Variants in WDPCP observed in about 807,000 individuals in gnomAD.
WDPCP encodes WD repeat containing planar cell polarity effector.
A neutral mutation model predicts 93.1 loss-of-function variants in WDPCP; 71 were observed. The observed-to-expected ratio is 0.76, with a 90% CI of 0.63 to 0.93. The LOEUF is 0.93. Ranked by LOEUF, WDPCP falls within the 40% of genes least tolerant of loss-of-function variation. The pLI is 0.00. For synonymous variants in WDPCP, 315 were observed against 315.0 expected (o/e 1.00, Z 0.00); for missense variants, 844 against 887.4 (o/e 0.95, Z 0.62).
chr2:63,749,907 A>G (rs1364919026), intron 2 of WDPCP, among the ~76,000 whole-genome samples: 1 of 152,058 alleles, frequency 6.6e-6, no homozygotes, highest in Non-Finnish European at 1.5e-5. Context: ...CTGTTATCTT[A>G]ATTTTGCTAT....
intron 14 of WDPCP, among the ~76,000 whole-genome samples, chr2:63,185,583 G>A (rs1361623850): frequency 2.0e-5 from 3 of 152,136 alleles, no homozygotes; most frequent in Admixed American, 1.3e-4. Flanking sequence ...AGGTGAGCAG[G>A]CGCATGACCT....
intron 2 of WDPCP, among the ~76,000 whole-genome samples, chr2:63,781,602 C>T (rs1670392794): frequency 6.6e-6 from 1 of 152,056 alleles, no homozygotes. Flanking sequence ...GAAGTACAGC[C>T]TACTTGGGAG....
At chr2:63,450,730 C>T (rs754854208) in intron 6 of WDPCP, among the ~76,000 whole-genome samples, 3 of 152,106 alleles carry the variant, frequency 2.0e-5, no homozygotes, top group Non-Finnish European at 2.9e-5. Context: ...TCACAGATAC[C>T]ACTGATGCTG....
chr2:63,589,161 C>A (rs1445373773), upstream of WDPCP: 8 of 1,611,386 alleles, frequency 5.0e-6, no homozygotes, highest in East Asian at 8.9e-5. Flanking sequence ...CCTTCGCGCC[C>A]TTTGGCAAGC....
intron 14 of WDPCP, among the ~76,000 whole-genome samples, chr2:63,230,151 C>A (rs1198855344): frequency 6.8e-6 from 1 of 146,334 alleles, no homozygotes; most frequent in African/African-American, 2.5e-5. Context: ...TATTCTCATT[C>A]TTCAATTCCC....
rs369030224 is a variant in WDPCP, at chr2:63,465,125, A to C, written c.384+19479T>G. Among the ~76,000 whole-genome samples, 84 of 151,998 alleles carry C rather than the reference A, an allele frequency of 5.5e-4. 2 individuals are homozygous for C. The East Asian group carries it at 0.016, about 28-fold the overall frequency. ...CTGGGAAGATCAAACTGACAGGTTAAATTTATTTATTATTTATTTATTTAT... is the reference window on the plus strand; with the variant it reads ...CTGGGAAGATCAAACTGACAGGTTACATTTATTTATTATTTATTTATTTAT... On this transcript the variant is annotated intron_variant, in intron 6 of 17. Transcript: ENST00000272321.
At chr2:63,682,303 A>G (rs1308203439) in intron 2 of WDPCP, among the ~76,000 whole-genome samples, 1 of 152,232 alleles carries the variant, frequency 6.6e-6, no homozygotes, top group African/African-American at 2.4e-5. Context: ...TAGAGAAGGA[A>G]TTCATAATTC....
chr2:63,630,094 A>T (rs987247704), intron 3 of WDPCP, among the ~76,000 whole-genome samples: 5 of 152,234 alleles, frequency 3.3e-5, no homozygotes, highest in Admixed American at 6.5e-5. Flanking sequence ...AGCATAAGTG[A>T]TGTGCAATAT....
At chr2:63,515,059 T>A (rs1702466863) in intron 1 of WDPCP, among the ~76,000 whole-genome samples, 1 of 152,156 alleles carries the variant, frequency 6.6e-6, no homozygotes, top group African/African-American at 2.4e-5. Context: ...CAAAGGACAG[T>A]TTGCCATTTT....
At chr2:63,266,972 T>C (rs2699391) in intron 13 of WDPCP, among the ~76,000 whole-genome samples, 123,472 of 152,070 alleles carry the variant, frequency 0.81, 50,857 homozygotes, top group East Asian at 0.96. Flanking sequence ...TTTAGCAAAA[T>C]AGAAAAAACA....
chr2:63,445,592 A>G (rs1697803758), intron 6 of WDPCP, among the ~76,000 whole-genome samples: 1 of 152,176 alleles, frequency 6.6e-6, no homozygotes, highest in Non-Finnish European at 1.5e-5. Flanking sequence ...AAAAAAGAAA[A>G]AGAGCACCAA....
chr2:63,498,731 T>C (rs563346289), intron 1 of WDPCP, among the ~76,000 whole-genome samples: 1 of 152,274 alleles, frequency 6.6e-6, no homozygotes, highest in South Asian at 2.1e-4. Context: ...TTGGTAGCCA[T>C]GGGAAGGACA....
chr2:63,403,964 C>T lies in WDPCP; in HGVS notation c.1435+84G>A, dbSNP rs908410586. 2.0e-5 allele frequency: 32 copies of T among 1,572,492 alleles called. No homozygotes were observed. The South Asian group carries it at 3.4e-4, about 17-fold the overall frequency. On this transcript the variant is annotated intron_variant, in intron 10 of 17. Transcript: ENST00000272321. Reference sequence around the variant, plus strand: ...ATGGGATGATAAATAGAAAAATCTACATTCTAAGAATAGTTTTATTGCCTT... The same window carrying T: ...ATGGGATGATAAATAGAAAAATCTATATTCTAAGAATAGTTTTATTGCCTT...
At chr2:63,565,240 G>T (rs1328588710) in intron 1 of WDPCP, among the ~76,000 whole-genome samples, 1 of 152,110 alleles carries the variant, frequency 6.6e-6, no homozygotes. Flanking sequence ...GCAGGATATT[G>T]TTTTAAGACC....
upstream of WDPCP, chr2:63,589,100 G>C: frequency 4.3e-6 from 7 of 1,614,102 alleles, no homozygotes; most frequent in Admixed American, 5.0e-5. Context: ...CCCTTGAGTG[G>C]GGTTTCTTGC....
At chr2:63,195,218 G>A (rs535340022) in intron 14 of WDPCP, among the ~76,000 whole-genome samples, 7 of 152,064 alleles carry the variant, frequency 4.6e-5, no homozygotes, top group Non-Finnish European at 1.0e-4. Flanking sequence ...AGGCTGATGA[G>A]CCTTTTTATT....
chr2:63,707,595 G>C (rs1045649748), intron 2 of WDPCP, among the ~76,000 whole-genome samples: 1 of 152,158 alleles, frequency 6.6e-6, no homozygotes, highest in African/African-American at 2.4e-5. Context: ...GCTCAGAATA[G>C]TTTGATCTTC....
chr2:63,293,819 C>A (rs140601663), intron 13 of WDPCP, among the ~76,000 whole-genome samples: 1 of 152,082 alleles, frequency 6.6e-6, no homozygotes, highest in East Asian at 1.9e-4. Flanking sequence ...ACCTAAGGAA[C>A]AGAAAGAAAA....
intron 1 of WDPCP, among the ~76,000 whole-genome samples, chr2:63,587,695 T>C (rs1169097826): frequency 6.6e-6 from 1 of 152,234 alleles, no homozygotes; most frequent in Non-Finnish European, 1.5e-5. Flanking sequence ...GCAGCATTAA[T>C]TTTAAAGAGA....
Sources: allele counts gnomAD v4.1 joint callset (sites outside exome capture counted in the v4.1 genomes callset), GRCh38; gene constraint gnomAD v4.1.1; transcripts MANE v1.5; gene names NCBI Gene and HGNC (gene_info 2026-07-23, HGNC 2026-07-21).